AFAP1: variants seen among roughly 807,000 people sequenced by gnomAD.
AFAP1 encodes actin filament-associated protein 1.
In AFAP1, 75 loss-of-function variants were observed where a neutral mutation model predicts 93.9. That is an observed-to-expected ratio of 0.80 (90% CI 0.66 to 0.97). The LOEUF is 0.97. AFAP1 is among the 50% of genes least tolerant of loss of function. AFAP1 has a pLI of 0.00. For missense variants in AFAP1, 1,201 were observed against 1,050.8 expected (o/e 1.14, Z -1.98); for synonymous variants, 517 against 430.7 (o/e 1.20, Z -2.48).
chr4:7,895,278 G>C (rs371467510), intron 1 of AFAP1, among the ~76,000 whole-genome samples: 1 of 152,142 alleles, frequency 6.6e-6, no homozygotes, highest in Non-Finnish European at 1.5e-5. Context: ...GAGGCTTGTC[G>C]GTCAGTTCTT....
At chr4:7,882,584 G>T (rs1717912980) in intron 1 of AFAP1, among the ~76,000 whole-genome samples, 1 of 152,148 alleles carries the variant, frequency 6.6e-6, no homozygotes, top group Non-Finnish European at 1.5e-5. Flanking sequence ...ATGCAGGGTG[G>T]GTGCGGTGGC....
intron 1 of AFAP1, among the ~76,000 whole-genome samples, chr4:7,914,015 T>C (rs1190970453): frequency 6.6e-6 from 1 of 152,140 alleles, no homozygotes; most frequent in Admixed American, 6.5e-5. Flanking sequence ...TTTGTGTTGG[T>C]AACGTTCAAT....
intron 1 of AFAP1, among the ~76,000 whole-genome samples, chr4:7,905,893 A>G (rs1232170616): frequency 6.6e-6 from 1 of 152,224 alleles, no homozygotes; most frequent in Non-Finnish European, 1.5e-5. Flanking sequence ...AGGCAGGCAT[A>G]AGGGGGCTCC....
intron 17 of AFAP1, among the ~76,000 whole-genome samples, chr4:7,767,101 A>T (rs1179565004): frequency 6.6e-6 from 1 of 152,204 alleles, no homozygotes; most frequent in Non-Finnish European, 1.5e-5. Flanking sequence ...CTGTTCTCAG[A>T]AATCCTGGGG....
chr4:7,836,664 G>T (rs1712337891), intron 6 of AFAP1, among the ~76,000 whole-genome samples: 1 of 152,140 alleles, frequency 6.6e-6, no homozygotes, highest in Admixed American at 6.5e-5. Flanking sequence ...GTCTAGGCTG[G>T]TCTCAATCTC....
At chr4:7,779,153 A>C in intron 13 of AFAP1, 6 of 380,100 alleles carry the variant, frequency 1.6e-5, no homozygotes, top group Non-Finnish European at 2.4e-5. Flanking sequence ...CAGACCACAA[A>C]TGCTAACCAA....
chr4:7,809,917 G>A (rs1381727312), intron 8 of AFAP1, among the ~76,000 whole-genome samples, 154 bp from the exon 9 acceptor site: 1 of 152,122 alleles, frequency 6.6e-6, no homozygotes, highest in Non-Finnish European at 1.5e-5. Context: ...GGAGTGCAGT[G>A]TTGTGATCAC....
At chr4:7,775,645 G>A (rs1403320503) in intron 14 of AFAP1, 1 of 152,212 alleles carries the variant, frequency 6.6e-6, no homozygotes, top group Non-Finnish European at 1.5e-5. Flanking sequence ...ACGGATACAT[G>A]AAGAGGCAAC....
intron 8 of AFAP1, among the ~76,000 whole-genome samples, chr4:7,815,519 C>A (rs1720396025): frequency 6.6e-6 from 1 of 152,134 alleles, no homozygotes; most frequent in Non-Finnish European, 1.5e-5. Context: ...GCAGGTCTGG[C>A]CTCCTCATTT....
intron 2 of AFAP1, among the ~76,000 whole-genome samples, chr4:7,871,629 C>T (rs1025465781): frequency 1.1e-4 from 17 of 152,326 alleles, no homozygotes; most frequent in African/African-American, 3.8e-4. Context: ...ATCCTCACTA[C>T]GGCTGCAGTG....
intron 2 of AFAP1, among the ~76,000 whole-genome samples, chr4:7,871,527 G>A (rs761635648): frequency 2.0e-5 from 3 of 152,306 alleles, no homozygotes; most frequent in Admixed American, 6.5e-5. Flanking sequence ...TGTGACCCTC[G>A]TGGGAGGGAC....
At chr4:7,893,396 T>C (rs1356366895) in intron 1 of AFAP1, among the ~76,000 whole-genome samples, 1 of 151,920 alleles carries the variant, frequency 6.6e-6, no homozygotes, top group Non-Finnish European at 1.5e-5. Context: ...CTGGCTAACA[T>C]GGTGAAACCC....
intron 10 of AFAP1, among the ~76,000 whole-genome samples, chr4:7,795,762 C>G (rs1252551231): frequency 1.3e-5 from 2 of 152,088 alleles, no homozygotes; most frequent in East Asian, 3.9e-4. Flanking sequence ...ACCTATGTCA[C>G]TATAACCATT....
At chr4:7,794,770 C>G (rs1425019300) in intron 10 of AFAP1, among the ~76,000 whole-genome samples, 1 of 152,154 alleles carries the variant, frequency 6.6e-6, no homozygotes, top group East Asian at 1.9e-4. Context: ...AAGCGATTCT[C>G]CTACCTCACC....
In AFAP1 at chr4:7,920,247, C is replaced by T. The variant is rs544198255; in HGVS notation, c.-3+19409G>A. ...CTTCCACAACAGTTGAACTAATTTA[C>T]ATTCCCACCAACAGTATTTGAATTT... is the stretch of plus-strand genomic sequence containing the variant. On this transcript the variant is annotated intron_variant, in intron 1 of 17. Transcript: ENST00000420658. 1.3e-4 allele frequency among the ~76,000 whole-genome samples: 20 copies of T among 152,316 alleles called. No homozygotes were observed. The East Asian group carries it at 3.7e-3, about 28-fold the overall frequency.
At chr4:7,873,477 T>G (rs1270917136) in intron 1 of AFAP1, among the ~76,000 whole-genome samples, 2 of 146,130 alleles carry the variant, frequency 1.4e-5, no homozygotes, top group African/African-American at 2.5e-5. Flanking sequence ...GCCTCCTGAG[T>G]AGCTGGGACT....
At chr4:7,797,419 C>A (rs1179361369) in intron 10 of AFAP1, among the ~76,000 whole-genome samples, 1 of 152,176 alleles carries the variant, frequency 6.6e-6, no homozygotes, top group Non-Finnish European at 1.5e-5. Context: ...CAGTGAGACA[C>A]ACAGACGCTG....
chr4:7,791,901 G>C (rs1455828906), intron 11 of AFAP1, among the ~76,000 whole-genome samples: 2 of 151,570 alleles, frequency 1.3e-5, no homozygotes, highest in African/African-American at 4.9e-5. Context: ...ACCAAAACGT[G>C]GCAGAGTGTT....
intron 10 of AFAP1, chr4:7,798,942 A>T (rs1024045159): frequency 1.0e-5 from 10 of 986,674 alleles, no homozygotes; most frequent in Non-Finnish European, 1.2e-5. Flanking sequence ...CCCTTCTCAG[A>T]TCTGCTGTCA....
Sources: gnomAD v4.1 joint callset for allele counts (sites outside exome capture counted in the v4.1 genomes callset) on GRCh38, gnomAD v4.1.1 for gene constraint, MANE v1.5 for transcripts, NCBI Gene and HGNC (gene_info 2026-07-23, HGNC 2026-07-21) for gene names.